The following ATRNL1 variants were observed in gnomAD, a reference collection of about 807,000 sequenced individuals.
The protein encoded by ATRNL1 is attractin-like protein 1.
In ATRNL1, 95 loss-of-function variants were observed where a neutral mutation model predicts 182.7. The observed-to-expected ratio is 0.52, with a 90% CI of 0.44 to 0.62. ATRNL1 has a LOEUF of 0.62. Ranked by LOEUF, ATRNL1 falls within the 20% of genes least tolerant of loss-of-function variation. ATRNL1 has a pLI of 0.00. For missense variants in ATRNL1, 1,471 were observed against 1,679.5 expected (o/e 0.88, Z 2.17); for synonymous variants, 576 against 568.3 (o/e 1.01, Z -0.19).
intron 10 of ATRNL1, among the ~76,000 whole-genome samples, chr10:115,244,330 T>A (rs1430687057): frequency 6.6e-6 from 1 of 152,174 alleles, no homozygotes; most frequent in African/African-American, 2.4e-5. Context: ...TCTTTGGGTA[T>A]ATAACCTTGC....
intron 25 of ATRNL1, among the ~76,000 whole-genome samples, chr10:115,536,627 G>T (rs1482320788): frequency 4.6e-5 from 7 of 152,126 alleles, no homozygotes; most frequent in African/African-American, 9.7e-5. Flanking sequence ...ACTGTCCTGC[G>T]CCCACTGTCT....
At chr10:115,352,593 A>C (rs1274510554) in intron 19 of ATRNL1, among the ~76,000 whole-genome samples, 3 of 152,108 alleles carry the variant, frequency 2.0e-5, no homozygotes, top group Non-Finnish European at 4.4e-5. Flanking sequence ...TAGTTTCCAA[A>C]GTGTCATTAT....
intron 21 of ATRNL1, among the ~76,000 whole-genome samples, chr10:115,428,791 G>T (rs781900918): frequency 3.3e-5 from 5 of 152,034 alleles, no homozygotes; most frequent in Non-Finnish European, 5.9e-5. Context: ...TAAGAAAAAT[G>T]CTGCAGTGAA....
chr10:115,223,618 A>T (rs945491968), intron 9 of ATRNL1, among the ~76,000 whole-genome samples: 4 of 152,098 alleles, frequency 2.6e-5, no homozygotes, highest in African/African-American at 9.6e-5. Flanking sequence ...AGGACAATGA[A>T]CAATTTTGTC....
intron 19 of ATRNL1, among the ~76,000 whole-genome samples, chr10:115,344,119 A>G (rs1855871596): frequency 1.3e-5 from 2 of 152,164 alleles, no homozygotes; most frequent in Non-Finnish European, 2.9e-5. Flanking sequence ...AGCCTGCTGT[A>G]TGCACTCACT....
chr10:115,925,129 AG>A (rs1451132079), intron 28 of ATRNL1, among the ~76,000 whole-genome samples: 1 of 152,152 alleles, frequency 6.6e-6, no homozygotes, highest in Non-Finnish European at 1.5e-5. Flanking sequence ...GTTGCTTATC[AG>A]TTTAAGACGT....
chr10:115,195,283 G>A (rs1254135014), intron 8 of ATRNL1, among the ~76,000 whole-genome samples: 1 of 152,006 alleles, frequency 6.6e-6, no homozygotes, highest in Non-Finnish European at 1.5e-5. Flanking sequence ...TTTCTTATAA[G>A]ACAGACATGT....
chr10:115,634,975 C>T (rs1206098270), intron 26 of ATRNL1, among the ~76,000 whole-genome samples: 1 of 151,914 alleles, frequency 6.6e-6, no homozygotes, highest in Non-Finnish European at 1.5e-5. Flanking sequence ...ATTATAGTTT[C>T]CTGTAGAAAT....
chr10:115,442,360 A>G (rs1846741450), intron 21 of ATRNL1, among the ~76,000 whole-genome samples: 1 of 149,174 alleles, frequency 6.7e-6, no homozygotes, highest in Non-Finnish European at 1.5e-5. Context: ...ACAATCAGGA[A>G]CTTTTTCACT....
chr10:115,908,516 G>A (rs1952570542), intron 28 of ATRNL1, among the ~76,000 whole-genome samples: 1 of 152,092 alleles, frequency 6.6e-6, no homozygotes. Context: ...TGCTTATGAT[G>A]ACATTGGTCC....
chr10:115,115,808 A>C (rs1417918005), intron 1 of ATRNL1, among the ~76,000 whole-genome samples: 1 of 152,098 alleles, frequency 6.6e-6, no homozygotes, highest in Non-Finnish European at 1.5e-5. Flanking sequence ...TAAGTTATAT[A>C]TCCATAGTCA....
At chr10:115,854,565 C>A (rs1951135392) in intron 28 of ATRNL1, among the ~76,000 whole-genome samples, 1 of 152,208 alleles carries the variant, frequency 6.6e-6, no homozygotes. Context: ...TCAGCCAACA[C>A]CTCTCACCTG....
chr10:115,868,822 C>CTTTATTTTTTTTTTTTT (rs1951500967), intron 28 of ATRNL1, among the ~76,000 whole-genome samples: 1 of 58,084 alleles, frequency 1.7e-5, no homozygotes. Context: ...AGTCTTTATT[C>CTTTATTTTTTTTTTTTT]TTTTTTTTTT....
intron 17 of ATRNL1, among the ~76,000 whole-genome samples, chr10:115,304,268 A>G (rs567660018): frequency 6.6e-6 from 1 of 152,330 alleles, no homozygotes; most frequent in Admixed American, 6.5e-5. Context: ...ATGAAAATAC[A>G]AACAACTATC....
At chr10:115,265,395 A>C in intron 11 of ATRNL1, 118 bp downstream of exon 11, 3 of 592,636 alleles carry the variant, frequency 5.1e-6, no homozygotes, top group Non-Finnish European at 8.8e-6. Flanking sequence ...GATTTTATGC[A>C]TCTCTTCTCT....
At chr10:115,365,050 G>C (rs1554945477) in intron 19 of ATRNL1, among the ~76,000 whole-genome samples, 2 of 149,390 alleles carry the variant, frequency 1.3e-5, no homozygotes, top group African/African-American at 5.0e-5. Context: ...GAGTTAGGGA[G>C]GATTCCCTCT....
At chr10:115,891,808 A>G (rs1555111339) in intron 28 of ATRNL1, among the ~76,000 whole-genome samples, 2 of 152,208 alleles carry the variant, frequency 1.3e-5, no homozygotes, top group Non-Finnish European at 2.9e-5. Flanking sequence ...GTAAGCTAGT[A>G]AAAGTTTGTC....
chr10:115,874,100 C>T (rs1951646188), intron 28 of ATRNL1, among the ~76,000 whole-genome samples: 1 of 152,180 alleles, frequency 6.6e-6, no homozygotes, highest in South Asian at 2.1e-4. Flanking sequence ...TGCTTGTCAA[C>T]TTGGGGAAAG....
chr10:115,250,062 C>T (rs1178322796), intron 10 of ATRNL1, among the ~76,000 whole-genome samples: 1 of 152,098 alleles, frequency 6.6e-6, no homozygotes, highest in African/African-American at 2.4e-5. Flanking sequence ...AGAGAATTCC[C>T]CATATGGCCA....
Sources: gnomAD v4.1 joint callset for allele counts (sites outside exome capture counted in the v4.1 genomes callset) on GRCh38, gnomAD v4.1.1 for gene constraint, MANE v1.5 for transcripts, NCBI Gene and HGNC (gene_info 2026-07-23, HGNC 2026-07-21) for gene names.